IL19: variants seen among roughly 807,000 people sequenced by gnomAD.
The protein encoded by IL19 is interleukin-19.
IL19 carries 15 observed loss-of-function variants against 19.5 expected under a neutral mutation model. The observed-to-expected ratio is 0.77, with a 90% confidence interval of 0.52 to 1.19. IL19 has a LOEUF of 1.19. IL19 is among the 50% of genes most tolerant of loss of function. The pLI is 0.00. For synonymous variants in IL19, 78 were observed against 78.3 expected (o/e 1.00, Z 0.02); for missense variants, 199 against 213.1 (o/e 0.93, Z 0.41).
rs761042152 is a variant in IL19, at chr1:206,798,885, G to A, written c.-124G>A. 1.3e-6 allele frequency: 2 copies of A among 1,595,670 alleles called. No individual in the cohort carries two copies. The highest frequency in any genetic ancestry group is 1.7e-6 in the Non-Finnish European group (2 of 1,165,290). On this transcript the variant is annotated 5_prime_UTR_variant, in exon 2 of 7. Transcript: ENST00000659997. ...GAGCGGTGCTTGCACACACTGACAG[G>A]AGTCCAAGAATGTGCACTGAGGGAG... is the stretch of plus-strand genomic sequence containing the variant.
chr1:206,790,043 G>A (rs1174455147), intron 1 of IL19, among the ~76,000 whole-genome samples: 1 of 152,130 alleles, frequency 6.6e-6, no homozygotes, highest in African/African-American at 2.4e-5. Flanking sequence ...TTTCCTTTAA[G>A]TAGATACCCA....
intron 1 of IL19, among the ~76,000 whole-genome samples, chr1:206,788,343 T>G (rs887694829): frequency 2.0e-5 from 3 of 152,196 alleles, no homozygotes; most frequent in African/African-American, 7.2e-5. Flanking sequence ...CTCTTTGATG[T>G]CTTACTATAT....
At chr1:206,838,890 G>A (rs1676900291) in intron 4 of IL19, among the ~76,000 whole-genome samples, 1 of 151,928 alleles carries the variant, frequency 6.6e-6, no homozygotes, top group African/African-American at 2.4e-5. Context: ...GTGCAGAGGG[G>A]TGTAACATTT....
chr1:206,803,139 C>T (rs1044216950), intron 2 of IL19, among the ~76,000 whole-genome samples: 4 of 152,138 alleles, frequency 2.6e-5, no homozygotes, highest in African/African-American at 7.2e-5. Flanking sequence ...TTTTGTGGGG[C>T]TTGAGAGTCT....
chr1:206,818,760 A>G (rs1180266357), intron 2 of IL19, among the ~76,000 whole-genome samples: 4 of 151,070 alleles, frequency 2.6e-5, no homozygotes, highest in African/African-American at 9.7e-5. Flanking sequence ...TCCAGATCTT[A>G]CTTAGGTTTA....
chr1:206,779,662 C>A (rs1675085464), intron 1 of IL19, among the ~76,000 whole-genome samples: 1 of 152,198 alleles, frequency 6.6e-6, no homozygotes, highest in African/African-American at 2.4e-5. Flanking sequence ...CCTTCCATGG[C>A]TTCCCACTTT....
At chr1:206,827,779 G>T (rs1017492197) in intron 2 of IL19, among the ~76,000 whole-genome samples, 5 of 152,144 alleles carry the variant, frequency 3.3e-5, no homozygotes, top group African/African-American at 1.2e-4. Context: ...AAATGAGAAG[G>T]GTGGGCCAGA....
chr1:206,837,892 G>T (rs894598529), intron 4 of IL19, among the ~76,000 whole-genome samples: 1 of 152,074 alleles, frequency 6.6e-6, no homozygotes, highest in Non-Finnish European at 1.5e-5. Context: ...AGTGTCCCAA[G>T]GACTTGGAAT....
intron 2 of IL19, 117 bp downstream of exon 2, chr1:206,799,123 G>T: frequency 8.1e-6 from 6 of 739,352 alleles, no homozygotes; most frequent in Non-Finnish European, 1.2e-5. Flanking sequence ...GAACTGACAG[G>T]ACTGCCTTTG....
In IL19 at chr1:206,841,072, T is replaced by C. The variant is rs1016620057; in HGVS notation, c.432T>C (p.Tyr144=). ...CCACCAGAGTCATCCATGACAACTA[T>C]GATCAGGTAAGATCTGGGAAGAGGT... The part of the protein sequence containing the change: ...TNATRVIHDN[Y]DQLEVHAAAI... The change falls in exon 6 of 7, where the codon TAT becomes TAC. Residue 144 remains tyrosine (Y), a synonymous_variant. Transcript: ENST00000659997. 4 of 1,613,582 alleles carry C rather than the reference T, an allele frequency of 2.5e-6. No homozygotes were observed. Among genetic ancestry groups the C allele is most frequent in the Non-Finnish European group, 3.4e-6 (4 of 1,179,568 alleles).
intron 1 of IL19, among the ~76,000 whole-genome samples, chr1:206,778,325 G>T (rs1466983139): frequency 6.6e-6 from 1 of 152,204 alleles, no homozygotes; most frequent in East Asian, 1.9e-4. Flanking sequence ...TGGCTTATCA[G>T]GGACCAGGAC....
intron 1 of IL19, among the ~76,000 whole-genome samples, chr1:206,781,969 AT>A (rs1472257527): frequency 3.0e-5 from 2 of 66,882 alleles, no homozygotes; most frequent in African/African-American, 9.7e-5. Flanking sequence ...ATATATGTAT[AT>A]GTTATATATA....
At chr1:206,775,024 G>T (rs1280525544) in intron 1 of IL19, among the ~76,000 whole-genome samples, 1 of 151,768 alleles carries the variant, frequency 6.6e-6, no homozygotes, top group Non-Finnish European at 1.5e-5. Context: ...TGTTAAATAG[G>T]GTTGAGGTTA....
chr1:206,784,434 A>G (rs1675216866), intron 1 of IL19, among the ~76,000 whole-genome samples: 1 of 152,200 alleles, frequency 6.6e-6, no homozygotes, highest in Non-Finnish European at 1.5e-5. Flanking sequence ...CTTCTAGCTC[A>G]TAGCTTCTGC....
At chr1:206,802,823 C>T (rs761972061) in intron 2 of IL19, among the ~76,000 whole-genome samples, 5 of 152,144 alleles carry the variant, frequency 3.3e-5, no homozygotes, top group Non-Finnish European at 7.3e-5. Context: ...CCAATCAAGG[C>T]TAACTGCTAG....
At chr1:206,823,912 G>A (rs998269017) in intron 2 of IL19, among the ~76,000 whole-genome samples, 9 of 152,194 alleles carry the variant, frequency 5.9e-5, no homozygotes, top group African/African-American at 2.2e-4. Context: ...AGCCATGGGG[G>A]TGGAGGCCCT....
chr1:206,782,738 G>A (rs1012372468), intron 1 of IL19, among the ~76,000 whole-genome samples: 2 of 152,118 alleles, frequency 1.3e-5, no homozygotes, highest in Non-Finnish European at 2.9e-5. Flanking sequence ...TTCTCCAAGG[G>A]GCCCCAGGCC....
At chr1:206,834,468 C>A in intron 2 of IL19, 1 of 983,500 alleles carries the variant, frequency 1.0e-6, no homozygotes, top group Admixed American at 6.1e-5. Flanking sequence ...TCCTTCACTG[C>A]CGCAGGGAGG....
chr1:206,826,137 G>A (rs1676428671), intron 2 of IL19, among the ~76,000 whole-genome samples: 1 of 152,216 alleles, frequency 6.6e-6, no homozygotes. Context: ...CTCAAGGGCT[G>A]AGGGGAGACC....
Sources: allele counts gnomAD v4.1 joint callset (sites outside exome capture counted in the v4.1 genomes callset), GRCh38; gene constraint gnomAD v4.1.1; transcripts MANE v1.5; gene names NCBI Gene and HGNC (gene_info 2026-07-23, HGNC 2026-07-21).